ITGA9: variants seen among roughly 807,000 people sequenced by gnomAD.
ITGA9 encodes the protein integrin alpha-9.
ITGA9 carries 56 observed loss-of-function variants against 127.8 expected under a neutral mutation model. The ratio of observed to expected loss-of-function variants is 0.44; its 90% confidence interval spans 0.35 to 0.55. The LOEUF (loss-of-function observed/expected upper bound fraction) is 0.55. Among genes scored for constraint, ITGA9 ranks in the 20% least tolerant of loss-of-function variants. The pLI is 0.00. For missense variants in ITGA9, 1,196 were observed against 1,347.1 expected, an observed-to-expected ratio of 0.89 and a Z score of 1.76; for synonymous variants, 508 against 514.5, an observed-to-expected ratio of 0.99 and a Z score of 0.17.
At chr3:37,659,996 ACACACACG>A (rs1030642007) in intron 17 of ITGA9, among the ~76,000 whole-genome samples, 2 of 151,460 alleles carry the variant, frequency 1.3e-5, no homozygotes, top group Non-Finnish European at 2.9e-5. Flanking sequence ...ACACACACAC[ACACACACG>A]CACACACACA....
At chr3:37,750,721 C>G in intron 23 of ITGA9, 152 bp downstream of exon 23, 1 of 695,178 alleles carries the variant, frequency 1.4e-6, no homozygotes, top group Middle Eastern at 3.6e-4. Context: ...GCCAGGGGAC[C>G]TGTGATACCT....
At chr3:37,533,238 T>C (rs1699174136) in intron 13 of ITGA9, 76 bp from the exon 14 acceptor site, 7 of 1,313,216 alleles carry the variant, frequency 5.3e-6, no homozygotes, top group African/African-American at 1.4e-5. Context: ...GGATTTATCC[T>C]GTTGGTCTAG....
Position 37,819,034 on chromosome 3 carries a change from T to C in ITGA9, c.*45T>C. The C allele has an allele frequency of 7.3e-7, 1 of 1,365,636 alleles. No individual in the cohort carries two copies. Among genetic ancestry groups the C allele is most frequent in the South Asian group, 1.2e-5 (1 of 85,926 alleles). 84.6% of individuals were successfully genotyped at this position (1,365,636 alleles called of 1,614,324 possible). The stretch of plus-strand genomic sequence containing the variant: ...GACCTGATCACTAGCCTGTCATCCT[T>C]GGTCTTTGTATCTTCCATATTTGGA... On this transcript the variant is annotated 3_prime_UTR_variant, in exon 28 of 28. Transcript: ENST00000264741.
chr3:37,558,796 T>A (rs1480124064), intron 15 of ITGA9, among the ~76,000 whole-genome samples: 1 of 152,208 alleles, frequency 6.6e-6, no homozygotes, highest in East Asian at 1.9e-4. Context: ...TGGCTCTGCC[T>A]GTGTGAAACG....
intron 26 of ITGA9, chr3:37,790,544 T>C: frequency 4.2e-6 from 1 of 235,388 alleles, no homozygotes; most frequent in Non-Finnish European, 8.4e-6. Flanking sequence ...CTGTGATTCT[T>C]TATATCTTTT....
intron 15 of ITGA9, among the ~76,000 whole-genome samples, chr3:37,606,598 T>C (rs1027814127): frequency 6.6e-6 from 1 of 152,126 alleles, no homozygotes; most frequent in Non-Finnish European, 1.5e-5. Context: ...ATCACCAGGA[T>C]TTGAGGGAAT....
intron 18 of ITGA9, among the ~76,000 whole-genome samples, chr3:37,688,671 A>G (rs983557046): frequency 6.6e-6 from 1 of 151,986 alleles, no homozygotes; most frequent in African/African-American, 2.4e-5. Flanking sequence ...ACTTAATACC[A>G]AAGCTGCCTT....
At chr3:37,794,126 T>G (rs752426348) in intron 26 of ITGA9, among the ~76,000 whole-genome samples, 1 of 152,232 alleles carries the variant, frequency 6.6e-6, no homozygotes, top group Non-Finnish European at 1.5e-5. Context: ...TGTGAAGTGC[T>G]AGGCATGTGC....
At chr3:37,794,896 G>A (rs188538624) in intron 26 of ITGA9, among the ~76,000 whole-genome samples, 5 of 152,268 alleles carry the variant, frequency 3.3e-5, no homozygotes, top group Admixed American at 1.3e-4. Context: ...GTCTCCATAA[G>A]TCTCCCTGTG....
chr3:37,656,792 G>C (rs1223343292), intron 17 of ITGA9, among the ~76,000 whole-genome samples: 1 of 152,138 alleles, frequency 6.6e-6, no homozygotes, highest in Non-Finnish European at 1.5e-5. Flanking sequence ...AATGCTTCCA[G>C]CTTTTGCCCA....
intron 18 of ITGA9, among the ~76,000 whole-genome samples, chr3:37,708,674 C>CACACAACCAAGA (rs1575202758): frequency 2.0e-5 from 3 of 152,196 alleles, no homozygotes; most frequent in African/African-American, 2.4e-5. Context: ...GACAGCTCCC[C>CACACAACCAAGA]ATACAACAAA....
At chr3:37,765,922 G>A (rs569557767) in intron 23 of ITGA9, among the ~76,000 whole-genome samples, 37 of 152,366 alleles carry the variant, frequency 2.4e-4, no homozygotes, top group African/African-American at 7.5e-4. Flanking sequence ...TTTGTTGCCA[G>A]CATGTAGGCT....
At chr3:37,499,582 A>C (rs1375882617) in intron 5 of ITGA9, among the ~76,000 whole-genome samples, 11 of 152,086 alleles carry the variant, frequency 7.2e-5, no homozygotes, top group Admixed American at 7.2e-4. Flanking sequence ...TTTTCCTAGC[A>C]CTTGTGAACA....
chr3:37,684,004 A>G lies in ITGA9; in HGVS notation c.2056A>G (p.Met686Val), dbSNP rs749170210. Reference protein sequence around the residue: ...NVSRELFFINMWQKEEMGISC... With the variant: ...NVSRELFFINVWQKEEMGISC... ...TTCCCGGGAGCTCTTCTTCATCAAC[A>G]TGTGGCAGAAGGTAAGGAGGGCATC... The change falls in exon 18 of 28, where the codon ATG becomes GTG. Residue 686 changes from methionine (M) to valine (V), a missense_variant. Coordinates refer to ENST00000264741, the MANE Select transcript of ITGA9 (RefSeq NM_002207.3). 5.6e-6 allele frequency: 9 copies of G among 1,613,666 alleles called. No homozygotes were observed. In the Admixed American group the frequency reaches 6.7e-5, roughly 12 times the overall value.
intron 15 of ITGA9, among the ~76,000 whole-genome samples, chr3:37,623,502 G>A (rs965226287): frequency 6.6e-6 from 1 of 152,178 alleles, no homozygotes; most frequent in Admixed American, 6.5e-5. Context: ...GCCCATAAAT[G>A]TTGGGGTTAC....
chr3:37,467,383 GGTTCCTTT>G (rs1698383926), intron 1 of ITGA9, among the ~76,000 whole-genome samples: 1 of 152,210 alleles, frequency 6.6e-6, no homozygotes, highest in African/African-American at 2.4e-5. Flanking sequence ...TAATTCAGCA[GGTTCCTTT>G]CCACTTTAGA....
intron 3 of ITGA9, among the ~76,000 whole-genome samples, chr3:37,475,741 A>C (rs547575214): frequency 6.6e-6 from 1 of 152,262 alleles, no homozygotes; most frequent in Non-Finnish European, 1.5e-5. Context: ...AACACATGAC[A>C]TAAAACTTAC....
At chr3:37,619,542 A>C (rs763448147) in intron 15 of ITGA9, among the ~76,000 whole-genome samples, 1 of 152,078 alleles carries the variant, frequency 6.6e-6, no homozygotes, top group Non-Finnish European at 1.5e-5. Flanking sequence ...AGCAAGGGGG[A>C]TGGGGTGTTA....
intron 4 of ITGA9, among the ~76,000 whole-genome samples, chr3:37,487,054 A>G (rs908435288): frequency 6.6e-6 from 1 of 152,112 alleles, no homozygotes; most frequent in Non-Finnish European, 1.5e-5. Flanking sequence ...TCCATTTACA[A>G]ATGAAAAGGA....
Sources: allele counts gnomAD v4.1 joint callset (sites outside exome capture counted in the v4.1 genomes callset), GRCh38; gene constraint gnomAD v4.1.1; transcripts MANE v1.5; gene names NCBI Gene and HGNC (gene_info 2026-07-23, HGNC 2026-07-21).